Variants in HDHD5 observed in about 807,000 individuals in gnomAD.
HDHD5 encodes the protein haloacid dehalogenase like hydrolase domain containing 5, also known as haloacid dehalogenase-like hydrolase domain-containing 5.
Under a neutral mutation model 35.5 loss-of-function variants are expected in HDHD5, and 34 were observed. The ratio of observed to expected loss-of-function variants is 0.96; its 90% CI spans 0.73 to 1.28. HDHD5 has a LOEUF of 1.28. Ranked by LOEUF, HDHD5 falls within the 50% of genes most tolerant of loss-of-function variation. The pLI, the probability that HDHD5 is intolerant of heterozygous loss-of-function variation, is 0.00. For missense variants in HDHD5, 589 were observed against 560.2 expected, an observed-to-expected ratio of 1.05 and a Z score of -0.52; for synonymous variants, 248 against 240.6, an observed-to-expected ratio of 1.03 and a Z score of -0.29.
At chr22:17,144,313 G>C (rs896439541) in intron 4 of HDHD5, among the ~76,000 whole-genome samples, 8 of 151,480 alleles carry the variant, frequency 5.3e-5, no homozygotes, top group African/African-American at 1.7e-4. Context: ...GGAGTGCAGT[G>C]ATCACAGCTC....
At chr22:17,155,663 C>T (rs2061781243) in intron 1 of HDHD5, among the ~76,000 whole-genome samples, 1 of 152,162 alleles carries the variant, frequency 6.6e-6, no homozygotes, top group South Asian at 2.1e-4. Flanking sequence ...AACCCCTCCC[C>T]AACCTTCAGG....
At chr22:17,147,296 C>T (rs543291047) in intron 3 of HDHD5, among the ~76,000 whole-genome samples, 7 of 88,142 alleles carry the variant, frequency 7.9e-5, no homozygotes, top group African/African-American at 4.0e-4. Flanking sequence ...ACCTGTGACG[C>T]ACTCCTGTGA....
At chr22:17,144,915 G>T in intron 4 of HDHD5, 109 bp downstream of exon 4, 2 of 1,326,860 alleles carry the variant, frequency 1.5e-6, no homozygotes, top group Non-Finnish European at 2.1e-6. Context: ...AAAGAAGCAT[G>T]GACAAATCAC....
rs1286461146 is a variant in HDHD5, at chr22:17,159,066, C to T, written c.126+60G>A. ...CGGCCGCCCCTCCTTCCCCGCGGCT[C>T]CCCGCCCCGCCTCCGGCCCTGAGTG... On this transcript the variant is annotated intron_variant, in intron 1 of 7. Coordinates refer to ENST00000336737, the MANE Select transcript of HDHD5 (RefSeq NM_033070.3). 1.1e-5 allele frequency: 13 copies of T among 1,201,264 alleles called. No individual in the cohort carries two copies. The East Asian group carries it at 4.1e-4, about 38-fold the overall frequency. 74.4% of individuals were successfully genotyped at this position (1,201,264 alleles called of 1,614,324 possible).
intron 6 of HDHD5, 112 bp downstream of exon 6, chr22:17,140,943 CTAAG>C (rs1833202855): frequency 2.2e-6 from 2 of 920,604 alleles, no homozygotes; most frequent in Non-Finnish European, 3.2e-6. Flanking sequence ...CAGGGCCTAC[CTAAG>C]TGAGGTCCCG....
chr22:17,159,038 G>C, intron 1 of HDHD5, 88 bp downstream of exon 1: 1 of 1,119,030 alleles, frequency 8.9e-7, no homozygotes, highest in Non-Finnish European at 1.1e-6. Flanking sequence ...TGGGATACCA[G>C]CCCGGCCGCC....
intron 1 of HDHD5, chr22:17,158,707 C>T (rs902903108): frequency 1.3e-5 from 2 of 153,584 alleles, no homozygotes; most frequent in African/African-American, 2.4e-5. Flanking sequence ...GCACCAAACC[C>T]ACAGGCACTT....
Position 17,159,134 on chromosome 22 carries a change from G to T in HDHD5, c.118C>A (p.Pro40Thr). Residue 40 changes from proline (P) to threonine (T), a missense_variant, in exon 1 of 8, where the codon CCC becomes ACC. Pro to Thr is a conservative substitution (Grantham distance 38, BLOSUM62 -1). Transcript: ENST00000336737. ...AACCCGGACGTCCTCACCTGAGCGG[G>T]GCCCACAGCATAGCACCTGCGGGCG... ...RPARRCYAVG[P>T]AQSPPTFGFL... 8.1e-7 allele frequency: 1 copy of T among 1,236,940 alleles called. No homozygotes were observed. The highest frequency in any genetic ancestry group is 1.0e-6 in the Non-Finnish European group (1 of 988,468). 76.6% of individuals were successfully genotyped at this position (1,236,940 alleles called of 1,614,324 possible).
chr22:17,142,635 G>A (rs1341038766), intron 5 of HDHD5: 1 of 155,402 alleles, frequency 6.4e-6, no homozygotes, highest in Non-Finnish European at 1.4e-5. Context: ...ACTACATACT[G>A]AAATACATTA....
chr22:17,156,566 G>A (rs35555782), intron 1 of HDHD5, among the ~76,000 whole-genome samples: 5,901 of 152,252 alleles, frequency 0.039, 224 homozygotes, highest in South Asian at 0.17. Context: ...CACGAGGTTA[G>A]GAGATCGAGA....
intron 1 of HDHD5, chr22:17,165,140 T>C: frequency 1.4e-6 from 1 of 738,090 alleles, no homozygotes; most frequent in South Asian, 1.4e-5. Flanking sequence ...CATGTTTCCC[T>C]GAAAATGGGA....
chr22:17,165,070 AG>A, intron 1 of HDHD5: 1 of 677,062 alleles, frequency 1.5e-6, no homozygotes. Context: ...AGTCTTGCTG[AG>A]GGAGAATTCT....
upstream of HDHD5, among the ~76,000 whole-genome samples, chr22:17,160,827 G>T (rs1287728757): frequency 1.3e-5 from 2 of 152,106 alleles, no homozygotes; most frequent in African/African-American, 4.8e-5. Context: ...CCTGCCAGGG[G>T]ACATAGCTCT....
Position 17,138,036 on chromosome 22 carries a change from G to GCC in HDHD5, c.1255_1256dup (p.Trp420AlafsTer15), listed in dbSNP as rs747096920. 5 of 1,612,554 alleles carry GCC rather than the reference G, an allele frequency of 3.1e-6. No homozygotes were observed. Among genetic ancestry groups the GCC allele is most frequent in the Non-Finnish European group, 4.2e-6 (5 of 1,178,852 alleles). On this transcript the variant is annotated frameshift_variant, in exon 8 of 8. Transcript: ENST00000336737. LOFTEE classifies it high-confidence loss of function. ...CGCACTGCCCTCACTCCAAAGCCCA[G>GCC]CCCTCCTTGCGGAAGACCAGCTGCA...
chr22:17,159,225 C>T lies in HDHD5; in HGVS notation c.27G>A (p.Ala9=). Residue 9 remains alanine (A), a synonymous_variant, in exon 1 of 8, where the codon GCG becomes GCA. Coordinates refer to ENST00000336737, the MANE Select transcript of HDHD5 (RefSeq NM_033070.3). MAAWGCVA[A]LGAARGLCWR... ...AGCAAAGCCCACGCGCCGCGCCGAG[C>T]GCAGCCACACAGCCCCACGCAGCCA... is the stretch of plus-strand genomic sequence containing the variant. 2 of 1,203,444 alleles carry T rather than the reference C, an allele frequency of 1.7e-6. No homozygotes were observed. Among genetic ancestry groups the T allele is most frequent in the Non-Finnish European group, 2.1e-6 (2 of 970,694 alleles). The allele number at this position is 1,203,444 out of a possible 1,614,324, so 74.5% of individuals were successfully genotyped here. A position where few individuals can be genotyped will look rare whatever the true frequency, so the allele number is the denominator to read the frequency against.
At chr22:17,154,831 A>G (rs2061768596) in intron 1 of HDHD5, among the ~76,000 whole-genome samples, 1 of 149,228 alleles carries the variant, frequency 6.7e-6, no homozygotes, top group South Asian at 2.1e-4. Flanking sequence ...GGGTCTCCCT[A>G]TGTTGCCCAG....
chr22:17,151,743 AAAAAAAAAAG>A (rs1458691273), intron 1 of HDHD5, among the ~76,000 whole-genome samples: 14 of 135,908 alleles, frequency 1.0e-4, no homozygotes, highest in Non-Finnish European at 2.2e-4. Flanking sequence ...AAAAAAAAAA[AAAAAAAAAAG>A]AAGAAGAAAG....
At chr22:17,141,037 GC>G (rs772787677) in intron 6 of HDHD5, 21 bp downstream of exon 6, 2 of 1,559,836 alleles carry the variant, frequency 1.3e-6, no homozygotes, top group South Asian at 2.4e-5. Context: ...CCAGGCCAAG[GC>G]TGGGAGCTTT....
chr22:17,164,919 T>A (rs941763581), intron 1 of HDHD5, among the ~76,000 whole-genome samples: 1 of 151,720 alleles, frequency 6.6e-6, no homozygotes, highest in Non-Finnish European at 1.5e-5. Flanking sequence ...AGAACAGGGG[T>A]GGAGGATGGC....
Sources: allele counts gnomAD v4.1 joint callset (sites outside exome capture counted in the v4.1 genomes callset), GRCh38; gene constraint gnomAD v4.1.1; transcripts MANE v1.5; gene names NCBI Gene and HGNC (gene_info 2026-07-23, HGNC 2026-07-21).